The following ADCY10 variants were observed in gnomAD, a reference collection of about 807,000 sequenced individuals.
ADCY10 encodes the protein adenylate cyclase type 10.
A neutral mutation model predicts 183.3 loss-of-function variants in ADCY10; 156 were observed. The ratio of observed to expected loss-of-function variants is 0.85; its 90% confidence interval spans 0.75 to 0.97. ADCY10 has a LOEUF of 0.97. Ranked by LOEUF, ADCY10 falls within the 50% of genes least tolerant of loss-of-function variation. The probability of loss-of-function intolerance (pLI) is 0.00; values close to 1 mark genes in which losing one functional copy is unlikely to be tolerated. For missense variants in ADCY10, 1,745 were observed against 1,934.3 expected (o/e 0.90, Z 1.84); for synonymous variants, 645 against 670.0 (o/e 0.96, Z 0.58).
intron 28 of ADCY10, 27 bp from the exon 29 acceptor site, chr1:167,823,150 T>C (rs762349236): frequency 5.6e-6 from 9 of 1,596,684 alleles, no homozygotes; most frequent in South Asian, 2.2e-5. Context: ...GTAGTGGCCA[T>C]TAAAAAGTGG....
At position 167,861,357 on chromosome 1, in the gene ADCY10, G is replaced by C. The variant is rs541609134; in HGVS notation, c.1617-294C>G. ...CCAGGTCATGACCCTCTGACTGGGA[G>C]CTCCCATTGCCTAACGGCATGAACC... On this transcript the variant is annotated intron_variant, in intron 14 of 32. Coordinates refer to ENST00000367851, the MANE Select transcript of ADCY10 (RefSeq NM_018417.6). Among the ~76,000 whole-genome samples, 3 of 152,306 alleles carry C rather than the reference G, an allele frequency of 2.0e-5. No homozygotes were observed. The East Asian group carries it at 5.8e-4, about 29-fold the overall frequency.
chr1:167,854,252 A>G (rs1351728880), intron 18 of ADCY10, 101 bp downstream of exon 18: 2 of 1,434,746 alleles, frequency 1.4e-6, no homozygotes, highest in African/African-American at 1.4e-5. Context: ...CTGACTCTAC[A>G]GGAAGCAGCC....
At chr1:167,809,861 A>G in intron 32 of ADCY10, 22 bp from the exon 33 acceptor site, 1 of 1,612,952 alleles carries the variant, frequency 6.2e-7, no homozygotes, top group Non-Finnish European at 8.5e-7. Flanking sequence ...GAAACAGAAC[A>G]AAGAAATCAT....
Position 167,870,355 on chromosome 1 carries a change from A to C in ADCY10, c.1518T>G (p.Ser506=), listed in dbSNP as rs1208033249. ...CATACATTAAGACTTGGCTGCTGTT[A>C]GATATCAAAAATTTCTTCATAGTAT... ...FMYTMKKFLI[S]NSSQVLMYEG... is the part of the protein sequence containing the mutation. The change falls in exon 14 of 33, where the codon TCT becomes TCG. Residue 506 remains serine (S), a synonymous_variant. Transcript: ENST00000367851. The C allele has an allele frequency of 6.2e-7, 1 of 1,613,516 alleles. No homozygotes were observed.
chr1:167,831,197 C>CTT (rs78645539), intron 25 of ADCY10, among the ~76,000 whole-genome samples: 8 of 149,790 alleles, frequency 5.3e-5, no homozygotes, highest in East Asian at 2.0e-4. Context: ...ATCTCTCTCT[C>CTT]TTTTTTTTTT....
chr1:167,830,533 A>C (rs1663643938), intron 25 of ADCY10, among the ~76,000 whole-genome samples: 1 of 152,072 alleles, frequency 6.6e-6, no homozygotes, highest in Non-Finnish European at 1.5e-5. Context: ...CTGGGATTAC[A>C]GGCACACACC....
intron 14 of ADCY10, among the ~76,000 whole-genome samples, chr1:167,866,256 C>T (rs56053506): frequency 1.9e-3 from 288 of 152,230 alleles, no homozygotes; most frequent in African/African-American, 6.7e-3. Flanking sequence ...CATCGTAAAG[C>T]GAGAGAAGCC....
chr1:167,831,479 C>T (rs1194810553), intron 25 of ADCY10, among the ~76,000 whole-genome samples: 1 of 152,218 alleles, frequency 6.6e-6, no homozygotes, highest in Non-Finnish European at 1.5e-5. Flanking sequence ...CAGGCGTGAG[C>T]CACAACACCC....
intron 8 of ADCY10, among the ~76,000 whole-genome samples, chr1:167,889,279 A>G (rs1419706917): frequency 1.3e-5 from 2 of 152,148 alleles, no homozygotes; most frequent in African/African-American, 4.8e-5. Context: ...AATTTTTATC[A>G]TGAAGGGATG....
chr1:167,863,117 T>C lies in ADCY10; in HGVS notation c.1617-2054A>G, dbSNP rs139709403. The stretch of plus-strand genomic sequence containing the variant: ...GAGGGAAGAGACAGACCCTCTCATA[T>C]TGTTTTATACTCAGAAAAGGAAAGA... On this transcript the variant is annotated intron_variant, in intron 14 of 32. Transcript: ENST00000367851. Among the ~76,000 whole-genome samples the C allele has an allele frequency of 8.5e-5, 13 of 152,306 alleles. No individual in the cohort carries two copies. In the East Asian group the frequency reaches 2.5e-3, roughly 29 times the overall value.
chr1:167,820,421 G>C (rs1175094259), intron 30 of ADCY10: 2 of 518,812 alleles, frequency 3.9e-6, no homozygotes, highest in Admixed American at 3.9e-5. Context: ...CTGCCCTCCA[G>C]GTGATTTTTA....
Position 167,840,435 on chromosome 1 carries a change from C to T in ADCY10, c.3008-3117G>A, listed in dbSNP as rs982752409. 3.2e-4 allele frequency among the ~76,000 whole-genome samples: 48 copies of T among 151,296 alleles called. 1 individual carries two copies. The highest frequency in any genetic ancestry group is 3.2e-3 in the Admixed American group (48 of 15,176). On this transcript the variant is annotated intron_variant, in intron 21 of 32. Coordinates refer to ENST00000367851, the MANE Select transcript of ADCY10 (RefSeq NM_018417.6). ...GCAGTGGTGCAATCTTAGCTCACTG[C>T]AACCTCTGCCTCCTGGATTCAAGCG...
chr1:167,830,312 G>C (rs1663621796), intron 25 of ADCY10, among the ~76,000 whole-genome samples: 1 of 149,492 alleles, frequency 6.7e-6, no homozygotes, highest in Admixed American at 6.7e-5. Flanking sequence ...TTTCTTCTGG[G>C]CATGTCCTTA....
Position 167,870,278 on chromosome 1 carries a change from A to C in ADCY10, c.1595T>G (p.Leu532Arg), listed in dbSNP as rs200416907. The change falls in exon 14 of 33, where the codon CTG becomes CGG. Residue 532 changes from leucine to arginine, a missense_variant. By Grantham distance (102) the Leu-to-Arg change is moderately radical. Coordinates refer to ENST00000367851, the MANE Select transcript of ADCY10 (RefSeq NM_018417.6). ...TCACCTGTGATTCTTACCTTGGGCC[A>C]GGTACTCAATTTTCATAAGTATCTG... ...KSQILMKIEY[L>R]AQGKNHRIIA... 2 of 1,613,976 alleles carry C rather than the reference A, an allele frequency of 1.2e-6. No homozygotes were observed. Among genetic ancestry groups the C allele is most frequent in the Non-Finnish European group, 1.7e-6 (2 of 1,180,014 alleles).
rs368919995 is a variant in ADCY10, at chr1:167,882,416, C to T, written c.1020+1021G>A. On this transcript the variant is annotated intron_variant, in intron 9 of 32. Coordinates refer to ENST00000367851, the MANE Select transcript of ADCY10 (RefSeq NM_018417.6). ...AAGAGAATCGCTTGAACCCGGGAGG[C>T]GGAGGTTTCAGTGAGCCGAGATCAT... is the stretch of plus-strand genomic sequence containing the variant. Among the ~76,000 whole-genome samples, 423 of 139,428 alleles carry T rather than the reference C, an allele frequency of 3.0e-3. 1 individual carries two copies. Among genetic ancestry groups the T allele is most frequent in the African/African-American group, 0.011 (406 of 37,272 alleles). The allele number at this position is 139,428 out of a possible 152,430, so 91.5% of individuals were successfully genotyped here. A position where few individuals can be genotyped will look rare whatever the true frequency, so the allele number is the denominator to read the frequency against.
intron 28 of ADCY10, among the ~76,000 whole-genome samples, chr1:167,823,424 CAAAAAA>C (rs34394385): frequency 2.3e-5 from 1 of 42,832 alleles, no homozygotes; most frequent in Non-Finnish European, 4.7e-5. Context: ...AACTCCATCT[CAAAAAA>C]AAAAAAAAAA....
chr1:167,911,441 G>A (rs905404472), intron 1 of ADCY10, among the ~76,000 whole-genome samples: 1 of 152,218 alleles, frequency 6.6e-6, no homozygotes, highest in Admixed American at 6.5e-5. Flanking sequence ...TTAGGTCATA[G>A]CCTGTTCCTC....
chr1:167,828,080 TAGTG>T (rs1663448955), intron 26 of ADCY10, among the ~76,000 whole-genome samples: 1 of 152,278 alleles, frequency 6.6e-6, no homozygotes, highest in Admixed American at 6.5e-5. Flanking sequence ...AAACACAACT[TAGTG>T]GGGATCCTAT....
rs556302783 is a variant in ADCY10, at chr1:167,816,113, A to G, written c.4482+1959T>C. ...AGTAACATCAGAAATACTTGAAGCA[A>G]GAAAGACTGAAATGTTTTCCAAATT... On this transcript the variant is annotated intron_variant, in intron 31 of 32. Coordinates refer to ENST00000367851, the MANE Select transcript of ADCY10 (RefSeq NM_018417.6). Among the ~76,000 whole-genome samples the G allele has an allele frequency of 1.6e-4, 24 of 152,216 alleles. 1 individual carries two copies. The South Asian group carries it at 4.6e-3, about 29-fold the overall frequency.
Sources: gnomAD v4.1 joint callset for allele counts (sites outside exome capture counted in the v4.1 genomes callset) on GRCh38, gnomAD v4.1.1 for gene constraint, MANE v1.5 for transcripts, NCBI Gene and HGNC (gene_info 2026-07-23, HGNC 2026-07-21) for gene names.